GK: variants seen among roughly 807,000 people sequenced by gnomAD.
GK encodes ATP:glycerol 3-phosphotransferase.
In GK, 9 loss-of-function variants were observed where a neutral mutation model predicts 56.4. That is an observed-to-expected ratio of 0.16 (90% CI 0.10 to 0.28). GK has a LOEUF of 0.28. Among genes scored for constraint, GK ranks in the 10% least tolerant of loss-of-function variants. The probability of loss-of-function intolerance (pLI) is 1.00; values close to 1 mark genes in which losing one functional copy is unlikely to be tolerated. For synonymous variants in GK, 104 were observed against 144.1 expected, an observed-to-expected ratio of 0.72 and a Z score of 1.99; for missense variants, 161 against 431.4, an observed-to-expected ratio of 0.37 and a Z score of 5.55.
chrX:30,659,127 G>T (rs1301439657), intron 1 of GK, among the ~76,000 whole-genome samples: 1 of 111,715 alleles, frequency 9.0e-6, no homozygotes, highest in Non-Finnish European at 1.9e-5. Flanking sequence ...CGCCTCCTGG[G>T]TTCAAGCGAT....
intron 13 of GK, among the ~76,000 whole-genome samples, chrX:30,714,798 A>G (rs1339508923): frequency 8.9e-6 from 1 of 112,126 alleles, no homozygotes; most frequent in Non-Finnish European, 1.9e-5. Context: ...AAGCATATAA[A>G]CATTGTTTAT....
chrX:30,685,163 G>A (rs1418806874), intron 4 of GK, among the ~76,000 whole-genome samples: 1 of 106,344 alleles, frequency 9.4e-6, no homozygotes, highest in African/African-American at 3.5e-5. Flanking sequence ...ACGGAGTCTC[G>A]CACTGTCGCC....
intron 9 of GK, among the ~76,000 whole-genome samples, chrX:30,698,866 CAAAAA>C (rs386416832): frequency 2.3e-5 from 1 of 43,343 alleles, no homozygotes. Context: ...AACTCCATCT[CAAAAA>C]AAAAAAAAAA....
chrX:30,698,955 G>A (rs780270265), intron 9 of GK, among the ~76,000 whole-genome samples: 2 of 107,420 alleles, frequency 1.9e-5, no homozygotes, highest in Admixed American at 2.0e-4. Context: ...GCTATCTAGA[G>A]GACATTTTCT....
intron 3 of GK, among the ~76,000 whole-genome samples, chrX:30,669,125 C>A (rs1933287519): frequency 9.1e-6 from 1 of 109,954 alleles, no homozygotes; most frequent in South Asian, 3.9e-4. Context: ...TAAAATTTCC[C>A]TGAAATAATT....
intron 18 of GK, among the ~76,000 whole-genome samples, chrX:30,722,565 A>G (rs1313224944): frequency 8.9e-6 from 1 of 111,829 alleles, no homozygotes; most frequent in African/African-American, 3.3e-5. Flanking sequence ...ACTCCTCCCC[A>G]TAAACGAATG....
chrX:30,688,094 G>A (rs1039686478), intron 4 of GK, among the ~76,000 whole-genome samples: 15 of 112,049 alleles, frequency 1.3e-4, no homozygotes, highest in African/African-American at 4.9e-4. Flanking sequence ...ACCAAGAAGG[G>A]TAAAATGAGT....
intron 13 of GK, among the ~76,000 whole-genome samples, chrX:30,709,717 A>C (rs1159355649): frequency 9.0e-6 from 1 of 111,125 alleles, no homozygotes; most frequent in African/African-American, 3.3e-5. Flanking sequence ...ACTAATATTT[A>C]TTAAATTAAT....
chrX:30,695,211 C>A, intron 6 of GK: 1 of 835,543 alleles, frequency 1.2e-6, no homozygotes, highest in Non-Finnish European at 1.5e-6. Flanking sequence ...GACAGATCCA[C>A]AGAGCAGGTC....
intron 16 of GK, 112 bp from the exon 17 acceptor site, chrX:30,720,509 T>C: frequency 1.4e-6 from 1 of 719,378 alleles, no homozygotes; most frequent in Non-Finnish European, 2.2e-6. Context: ...AAGTCTCAAT[T>C]TATTCCATAG....
At chrX:30,714,974 ATAGAGT>A (rs1273310152) in intron 13 of GK, among the ~76,000 whole-genome samples, 1 of 112,363 alleles carries the variant, frequency 8.9e-6, no homozygotes. Context: ...TAAAAATGCT[ATAGAGT>A]TAGACACTGC....
At chrX:30,701,175 C>T (rs1243062198) in intron 11 of GK, among the ~76,000 whole-genome samples, 5 of 111,793 alleles carry the variant, frequency 4.5e-5, no homozygotes, top group Admixed American at 3.8e-4. Flanking sequence ...TTTGAGTGGC[C>T]GAGACAGGTG....
intron 19 of GK, chrX:30,724,781 G>T (rs1259392635): frequency 6.7e-6 from 1 of 148,191 alleles, no homozygotes; most frequent in African/African-American, 3.2e-5. Flanking sequence ...AAACCATTTA[G>T]ATTTAAACAG....
intron 13 of GK, among the ~76,000 whole-genome samples, chrX:30,710,649 A>C (rs1162868489): frequency 9.0e-6 from 1 of 111,447 alleles, no homozygotes; most frequent in African/African-American, 3.3e-5. Flanking sequence ...TAGGCTTAGA[A>C]GTTGGAGATA....
At chrX:30,715,161 C>T (rs1209200040) in intron 13 of GK, among the ~76,000 whole-genome samples, 1 of 111,951 alleles carries the variant, frequency 8.9e-6, no homozygotes, top group Non-Finnish European at 1.9e-5. Flanking sequence ...AATTTTCACC[C>T]TAATTGCCTT....
intron 4 of GK, 34 bp downstream of exon 4, chrX:30,677,486 C>T: frequency 1.3e-6 from 1 of 770,545 alleles, no homozygotes; most frequent in Non-Finnish European, 2.0e-6. Flanking sequence ...AAATGTAGGG[C>T]CTTTCTTCAC....
chrX:30,708,524 C>T (rs1936151716), intron 13 of GK, among the ~76,000 whole-genome samples: 1 of 110,461 alleles, frequency 9.1e-6, no homozygotes, highest in African/African-American at 3.3e-5. Context: ...ACCCTGGGCA[C>T]AAATAGGCAG....
intron 13 of GK, among the ~76,000 whole-genome samples, chrX:30,714,793 T>C (rs1228962753): frequency 1.8e-5 from 2 of 112,304 alleles, no homozygotes; most frequent in African/African-American, 6.5e-5. Flanking sequence ...GCCACAAGCA[T>C]ATAAACATTG....
intron 13 of GK, among the ~76,000 whole-genome samples, chrX:30,714,787 C>T (rs934426911): frequency 8.9e-6 from 1 of 112,167 alleles, no homozygotes; most frequent in Non-Finnish European, 1.9e-5. Context: ...CTATCTGCCA[C>T]AAGCATATAA....
Sources: gnomAD v4.1 joint callset for allele counts (sites outside exome capture counted in the v4.1 genomes callset) on GRCh38, gnomAD v4.1.1 for gene constraint, MANE v1.5 for transcripts, NCBI Gene and HGNC (gene_info 2026-07-23, HGNC 2026-07-21) for gene names.